Variants in SQSTM1 observed in about 807,000 individuals in gnomAD.
SQSTM1 encodes sequestosome-1.
In SQSTM1, 36 loss-of-function variants were observed where a neutral mutation model predicts 45.1. The ratio of observed to expected loss-of-function variants is 0.80; its 90% CI spans 0.61 to 1.05. The LOEUF (loss-of-function observed/expected upper bound fraction) is 1.05, where lower values mean the gene tolerates loss of function less well. Ranked by LOEUF, SQSTM1 falls within the 50% of genes least tolerant of loss-of-function variation. The pLI is 0.00. For synonymous variants in SQSTM1, 290 were observed against 244.3 expected, an observed-to-expected ratio of 1.19 and a Z score of -1.74; for missense variants, 617 against 607.1, an observed-to-expected ratio of 1.02 and a Z score of -0.17.
rs771743528 is a variant in SQSTM1, at chr5:179,836,549, G to A, written c.1279G>A (p.Ala427Thr). 1.5e-5 allele frequency: 25 copies of A among 1,614,150 alleles called. No homozygotes were observed. In the South Asian group the frequency reaches 1.9e-4, roughly 12 times the overall value. Residue 427 changes from alanine (A) to threonine (T), a missense_variant, in exon 8 of 8, where the codon GCT becomes ACT. Transcript: ENST00000389805. The part of the protein sequence containing the change: ...LQTKNYDIGA[A>T]LDTIQYSKHP... ...GACCAAGAACTATGACATCGGAGCG[G>A]CTCTGGACACCATCCAGTATTCAAA...
Position 179,837,073 on chromosome 5 carries a change from A to G in SQSTM1, c.*480A>G. The G allele has an allele frequency of 1.3e-6, 1 of 761,712 alleles. No individual in the cohort carries two copies. The highest frequency in any genetic ancestry group is 2.2e-6 in the Non-Finnish European group (1 of 448,762). The allele number at this position is 761,712 out of a possible 1,614,324, so 47.2% of individuals were successfully genotyped here. ...CCAGTGTTGTGGGCTTCCTGCTGGG[A>G]CTGAGAAGGCTCACGAAGGGCATCC... On this transcript the variant is annotated 3_prime_UTR_variant, in exon 8 of 8. Coordinates refer to ENST00000389805, the MANE Select transcript of SQSTM1 (RefSeq NM_003900.5).
chr5:179,812,160 A>C (rs1757446749), intron 2 of SQSTM1: 1 of 152,218 alleles, frequency 6.6e-6, no homozygotes, highest in South Asian at 2.1e-4. Flanking sequence ...GGAGAGAAAG[A>C]ACAGATTAAG....
chr5:179,836,207 C>T (rs1758546139), intron 7 of SQSTM1: 4 of 612,556 alleles, frequency 6.5e-6, no homozygotes, highest in South Asian at 5.7e-5. Flanking sequence ...TCTGCTTACA[C>T]ACCACCTGGC....
intron 5 of SQSTM1, among the ~76,000 whole-genome samples, chr5:179,826,400 CAG>C (rs1757989195): frequency 6.6e-6 from 1 of 151,888 alleles, no homozygotes; most frequent in Non-Finnish European, 1.5e-5. Context: ...CTTCTGACCT[CAG>C]GTGATCCACC....
chr5:179,837,605 C>T lies in SQSTM1; in HGVS notation c.*1012C>T. The T allele has an allele frequency of 6.2e-7, 1 of 1,614,188 alleles. No individual in the cohort carries two copies. Among genetic ancestry groups the T allele is most frequent in the African/African-American group, 1.3e-5 (1 of 75,044 alleles). On this transcript the variant is annotated 3_prime_UTR_variant, in exon 8 of 8. Coordinates refer to ENST00000389805, the MANE Select transcript of SQSTM1 (RefSeq NM_003900.5). Reference sequence around the variant, plus strand: ...GGCAGTGGGCCTGCTGAGGCCTTCTCTTGAGGCCTGTGCTCTGGGGGTCCC... The same window carrying T: ...GGCAGTGGGCCTGCTGAGGCCTTCTTTTGAGGCCTGTGCTCTGGGGGTCCC...
chr5:179,830,830 A>G (rs1042305067), intron 5 of SQSTM1, among the ~76,000 whole-genome samples: 2 of 152,174 alleles, frequency 1.3e-5, no homozygotes, highest in African/African-American at 2.4e-5. Context: ...TGCTGGGATT[A>G]CAGGCATGAG....
At chr5:179,822,843 GTGTT>G (rs1191771225) in intron 1 of SQSTM1, 111 bp from the exon 2 acceptor site, 1 of 866,814 alleles carries the variant, frequency 1.2e-6, no homozygotes, top group Non-Finnish European at 1.9e-6. Context: ...TCAAGTAGGT[GTGTT>G]TGTTTATAGC....
upstream of SQSTM1, among the ~76,000 whole-genome samples, chr5:179,818,520 A>T (rs1051569213): frequency 6.6e-6 from 1 of 152,110 alleles, no homozygotes; most frequent in Admixed American, 6.5e-5. Context: ...GGAACTGAGG[A>T]GGTGGTTACA....
intron 6 of SQSTM1, 141 bp downstream of exon 6, chr5:179,833,387 C>T (rs898934063): frequency 7.8e-5 from 80 of 1,021,794 alleles, no homozygotes; most frequent in Non-Finnish European, 1.0e-4. Context: ...ATGTCTGTGC[C>T]ATTAAAGTCA....
chr5:179,833,496 G>A (rs542336712), intron 6 of SQSTM1, 91 bp from the exon 7 acceptor site: 2 of 1,404,982 alleles, frequency 1.4e-6, no homozygotes, highest in Non-Finnish European at 2.0e-6. Context: ...GTGCATGCGT[G>A]CTCCCCGACT....
chr5:179,824,160 G>A (rs952947100), intron 3 of SQSTM1, 22 bp from the exon 4 acceptor site: 10 of 1,613,466 alleles, frequency 6.2e-6, no homozygotes, highest in Admixed American at 3.3e-5. Flanking sequence ...ACTGCCTGCC[G>A]CTCTGCTAAT....
chr5:179,820,892 G>A (rs1463179251), upstream of SQSTM1: 3 of 1,447,012 alleles, frequency 2.1e-6, no homozygotes, highest in Non-Finnish European at 2.7e-6. Flanking sequence ...GCCGCGCGGC[G>A]GCTGCGACCG....
At chr5:179,824,459 CAAG>C in intron 4 of SQSTM1, 136 bp downstream of exon 4, 3 of 1,324,018 alleles carry the variant, frequency 2.3e-6, no homozygotes, top group Non-Finnish European at 3.2e-6. Flanking sequence ...TACAATCACA[CAAG>C]AACCCTGCAA....
chr5:179,823,019 C>T lies in SQSTM1; in HGVS notation c.267C>T (p.Tyr89=), dbSNP rs150883783. The T allele has an allele frequency of 3.7e-5, 60 of 1,613,960 alleles. No homozygotes were observed. Among genetic ancestry groups the T allele is most frequent in the Non-Finnish European group, 4.6e-5 (54 of 1,180,006 alleles). ...SDEELTMAMS[Y]VKDDIFRIYI... ...AGGAATTGACAATGGCCATGTCCTA[C>T]GTGAAGGATGACATCTTCCGAATCT... is the stretch of plus-strand genomic sequence containing the variant. Residue 89 remains tyrosine, a synonymous_variant, in exon 2 of 8, where the codon TAC becomes TAT. Coordinates refer to ENST00000389805, the MANE Select transcript of SQSTM1 (RefSeq NM_003900.5).
chr5:179,814,666 C>T (rs940411496), upstream of SQSTM1, among the ~76,000 whole-genome samples: 1 of 152,214 alleles, frequency 6.6e-6, no homozygotes, highest in African/African-American at 2.4e-5. Flanking sequence ...TAAATAAATG[C>T]TTGGCGTATA....
In SQSTM1 at chr5:179,810,306, C is replaced by T. The variant is rs1489719673; in HGVS notation, c.-156-1268C>T. ...ACGACAGGCCCCAGTGTGTGACGTT[C>T]CCCACCCTGTGTCCAAGTGTTCTCA... On this transcript the variant is annotated intron_variant, in intron 1 of 5. Transcript: ENST00000514093. 1.3e-5 allele frequency among the ~76,000 whole-genome samples: 2 copies of T among 152,028 alleles called. 1 individual carries two copies. The highest frequency in any genetic ancestry group is 4.8e-5 in the African/African-American group (2 of 41,374).
At chr5:179,816,769 C>T (rs1184501481), upstream of SQSTM1, among the ~76,000 whole-genome samples, 4 of 150,000 alleles carry the variant, frequency 2.7e-5, no homozygotes, top group Non-Finnish European at 5.9e-5. Context: ...TTCCTCCAGC[C>T]CCCCTCCCTA....
intron 1 of SQSTM1, chr5:179,808,446 A>G (rs990943895): frequency 6.6e-6 from 1 of 152,224 alleles, no homozygotes; most frequent in Non-Finnish European, 1.5e-5. Flanking sequence ...TATTTGTGGC[A>G]AAGGATAATG....
intron 5 of SQSTM1, 114 bp from the exon 6 acceptor site, chr5:179,832,918 G>A: frequency 9.3e-7 from 1 of 1,072,326 alleles, no homozygotes; most frequent in African/African-American, 1.6e-5. Context: ...AGCTGCTTGT[G>A]GGGACTGAAC....
Sources: gnomAD v4.1 joint callset for allele counts (sites outside exome capture counted in the v4.1 genomes callset) on GRCh38, gnomAD v4.1.1 for gene constraint, MANE v1.5 for transcripts, NCBI Gene and HGNC (gene_info 2026-07-23, HGNC 2026-07-21) for gene names.